Variants in ABCA12 observed in about 807,000 individuals in gnomAD.
ABCA12 encodes ATP binding cassette subfamily A member 12, also known as glucosylceramide transporter ABCA12.
ABCA12 carries 156 observed loss-of-function variants against 293.5 expected under a neutral mutation model. The observed-to-expected ratio is 0.53, with a 90% CI of 0.47 to 0.61. ABCA12 has a LOEUF of 0.61. ABCA12 is among the 20% of genes least tolerant of loss of function. The probability of loss-of-function intolerance (pLI) is 0.00; values close to 1 mark genes in which losing one functional copy is unlikely to be tolerated. For synonymous variants in ABCA12, 1,063 were observed against 1,108.0 expected, an observed-to-expected ratio of 0.96 and a Z score of 0.81; for missense variants, 2,797 against 3,090.2, an observed-to-expected ratio of 0.91 and a Z score of 2.25.
rs1314661842 is a variant in ABCA12 at position 214,951,901 on chromosome 2, T to C, written c.6648-818A>G. ...TAGGCACAATATTGTACCGCAGATATATCTACTTTTATAATCATCAATAAT... is the reference window on the plus strand; with the variant it reads ...TAGGCACAATATTGTACCGCAGATACATCTACTTTTATAATCATCAATAAT... On this transcript the variant is annotated intron_variant, in intron 44 of 52. Coordinates refer to ENST00000272895, the MANE Select transcript of ABCA12 (RefSeq NM_173076.3). 2.6e-5 allele frequency among the ~76,000 whole-genome samples: 4 copies of C among 152,292 alleles called. No homozygotes were observed. In the East Asian group the frequency reaches 5.8e-4, roughly 22 times the overall value.
chr2:215,099,579 G>T (rs1035501301), intron 2 of ABCA12, among the ~76,000 whole-genome samples: 1 of 151,968 alleles, frequency 6.6e-6, no homozygotes, highest in Non-Finnish European at 1.5e-5. Context: ...TGTAATCCCA[G>T]CTACTCGGGA....
At position 214,934,179 on chromosome 2, in the gene ABCA12, C is replaced by G. The variant is rs59069848; in HGVS notation, c.7579G>C (p.Val2527Leu). ...HLSMLEYHVP[V>L]TAGGVANIFD... ...ATGTTTGCGACTCCTCCTGCTGTGA[C>G]TGGTACATGATACTCTAGCATGCTG... Residue 2527 changes from valine (V) to leucine (L), a missense_variant, in exon 52 of 53, where the codon GTC becomes CTC. Physicochemically the swap from Val to Leu is conservative, Grantham distance 32 (BLOSUM62 1). Around this residue, in one of 3 missense-constraint regions of ABCA12, gnomAD observed 2,130 missense variants for 2,427.0 expected, o/e 0.88. Transcript: ENST00000272895. 1 of 1,613,760 alleles carries G rather than the reference C, an allele frequency of 6.2e-7. No individual in the cohort carries two copies. The highest frequency in any genetic ancestry group is 8.5e-7 in the Non-Finnish European group (1 of 1,179,802).
chr2:214,978,569 C>T (rs900824758), intron 32 of ABCA12, 103 bp from the exon 33 acceptor site: 1 of 1,405,634 alleles, frequency 7.1e-7, no homozygotes, highest in African/African-American at 1.4e-5. Context: ...TTTACTGAGA[C>T]AAATTTTTCC....
In ABCA12 at chr2:214,958,273, T is replaced by C. The variant is rs776986412; in HGVS notation, c.6117+4A>G. The C allele has an allele frequency of 6.2e-7, 1 of 1,613,920 alleles. No individual in the cohort carries two copies. The highest frequency in any genetic ancestry group is 8.5e-7 in the Non-Finnish European group (1 of 1,179,778). On this transcript the variant is annotated splice_donor_region_variant and intron_variant, in intron 41 of 52. Transcript: ENST00000272895. ...CCCTGCAATGAAGGACATAAGTTAC[T>C]CACCATGTCATAAATGAAGTTTGTT...
intron 44 of ABCA12, among the ~76,000 whole-genome samples, chr2:214,951,744 A>G (rs1042469581): frequency 2.0e-5 from 3 of 152,128 alleles, no homozygotes; most frequent in Admixed American, 2.0e-4. Flanking sequence ...GCGACAGAGC[A>G]AGACTCCGTC....
chr2:215,063,836 C>T (rs1701584992), intron 3 of ABCA12, among the ~76,000 whole-genome samples: 1 of 151,904 alleles, frequency 6.6e-6, no homozygotes, highest in Admixed American at 6.6e-5. Flanking sequence ...TTTAGTCACC[C>T]ATCTTATAAA....
At position 215,025,591 on chromosome 2, in the gene ABCA12, A is replaced by G. The variant is rs1346341312; in HGVS notation, c.1287+82T>C. 4.8e-6 allele frequency: 4 copies of G among 830,916 alleles called. No homozygotes were observed. The East Asian group carries it at 1.1e-4, about 22-fold the overall frequency. 51.5% of individuals were successfully genotyped at this position (830,916 alleles called of 1,614,324 possible). On this transcript the variant is annotated intron_variant, in intron 11 of 52. Transcript: ENST00000272895. Reference sequence around the variant, plus strand: ...GTGTATCTTGCCAAATATTATGAGAAGTGTTAAGGTTTTTTTTTTGTTTGT... The same window carrying G: ...GTGTATCTTGCCAAATATTATGAGAGGTGTTAAGGTTTTTTTTTTGTTTGT...
chr2:215,102,185 G>T (rs941573076), intron 2 of ABCA12, among the ~76,000 whole-genome samples: 1 of 152,142 alleles, frequency 6.6e-6, no homozygotes, highest in African/African-American at 2.4e-5. Flanking sequence ...ATGCACACTC[G>T]TACCTCATTA....
intron 3 of ABCA12, among the ~76,000 whole-genome samples, chr2:215,062,011 C>G (rs1701537321): frequency 6.6e-6 from 1 of 151,960 alleles, no homozygotes; most frequent in Non-Finnish European, 1.5e-5. Flanking sequence ...ATTAATTTTT[C>G]TCACAGCTCC....
At chr2:214,949,402 A>T (rs1698684704) in intron 45 of ABCA12, among the ~76,000 whole-genome samples, 1 of 151,582 alleles carries the variant, frequency 6.6e-6, no homozygotes, top group African/African-American at 2.4e-5. Context: ...ACACACACAC[A>T]CAGGACCTAT....
intron 39 of ABCA12, 74 bp downstream of exon 39, chr2:214,966,774 G>T: frequency 7.3e-7 from 1 of 1,361,444 alleles, no homozygotes; most frequent in Non-Finnish European, 1.1e-6. Flanking sequence ...TGAAGAAACA[G>T]GATATAAAGT....
chr2:214,932,867 C>T (rs1574915828), intron 52 of ABCA12, 126 bp from the exon 53 acceptor site: 5 of 721,634 alleles, frequency 6.9e-6, no homozygotes, highest in Non-Finnish European at 1.2e-5. Context: ...TGTATGCAGG[C>T]CCCTATAAAA....
chr2:215,025,323 G>T, intron 11 of ABCA12: 2 of 208,180 alleles, frequency 9.6e-6, no homozygotes, highest in Non-Finnish European at 1.9e-5. Flanking sequence ...TTAAAGACAG[G>T]GTCTCACACT....
chr2:215,038,176 A>G (rs1347206988), intron 7 of ABCA12, among the ~76,000 whole-genome samples: 1 of 152,112 alleles, frequency 6.6e-6, no homozygotes, highest in Non-Finnish European at 1.5e-5. Context: ...ATACATGTGG[A>G]TATGTGTGTA....
chr2:215,046,991 G>T (rs543070080), intron 6 of ABCA12, among the ~76,000 whole-genome samples: 143 of 152,244 alleles, frequency 9.4e-4, no homozygotes, highest in Non-Finnish European at 1.9e-3. Context: ...ACCAAACACT[G>T]CATGTTCTCA....
At position 215,000,916 on chromosome 2, in the gene ABCA12, T is replaced by C. The variant is rs1057522516; in HGVS notation, c.2968A>G (p.Lys990Glu). 2 of 1,614,126 alleles carry C rather than the reference T, an allele frequency of 1.2e-6. No individual in the cohort carries two copies. Among genetic ancestry groups the C allele is most frequent in the Non-Finnish European group, 1.7e-6 (2 of 1,180,002 alleles). ...VIKYTIRMSL[K>E]TAQTTRSLRT... ...AGGCTTCTTGTGGTCTGTGCGGTCT[T>C]GAGACTCATCCGGATGGTATATTTT... Residue 990 changes from lysine to glutamate, a missense_variant, in exon 22 of 53, where the codon AAG (lysine) becomes GAG (glutamate). Lys to Glu is a moderately conservative substitution (Grantham distance 56). Coordinates refer to ENST00000272895, the MANE Select transcript of ABCA12 (RefSeq NM_173076.3).
At chr2:215,014,223 A>G (rs1479930349) in intron 15 of ABCA12, among the ~76,000 whole-genome samples, 2 of 152,112 alleles carry the variant, frequency 1.3e-5, no homozygotes, top group Non-Finnish European at 2.9e-5. Flanking sequence ...AATAAAATAT[A>G]TAGTTGGCTG....
At chr2:215,024,273 G>T (rs1700692699) in intron 11 of ABCA12, among the ~76,000 whole-genome samples, 1 of 152,070 alleles carries the variant, frequency 6.6e-6, no homozygotes, top group Admixed American at 6.6e-5. Flanking sequence ...ACAATTGTTG[G>T]TCTGCTTTTC....
At chr2:215,111,770 C>T (rs1702576191) in intron 1 of ABCA12, 80 bp from the exon 2 acceptor site, 6 of 989,320 alleles carry the variant, frequency 6.1e-6, no homozygotes, top group Non-Finnish European at 9.6e-6. Context: ...AAAAGTATGT[C>T]ATACTATAAT....
Sources: gnomAD v4.1 joint callset for allele counts (sites outside exome capture counted in the v4.1 genomes callset) on GRCh38, gnomAD v4.1.1 for gene constraint, gnomAD v4.1.1 regional missense constraint, MANE v1.5 for transcripts, NCBI Gene and HGNC (gene_info 2026-07-23, HGNC 2026-07-21) for gene names.